Variants in SCFD2 observed in about 807,000 individuals in gnomAD.
The protein encoded by SCFD2 is sec1 family domain-containing protein 2.
SCFD2 carries 54 observed loss-of-function variants against 58.9 expected under a neutral mutation model. The ratio of observed to expected loss-of-function variants is 0.92; its 90% CI spans 0.74 to 1.15. The LOEUF is 1.15. SCFD2 is among the 50% of genes most tolerant of loss of function. The probability of loss-of-function intolerance (pLI) is 0.00; values close to 1 mark genes in which losing one functional copy is unlikely to be tolerated. For missense variants in SCFD2, 805 were observed against 836.6 expected, an observed-to-expected ratio of 0.96 and a Z score of 0.47; for synonymous variants, 321 against 335.9, an observed-to-expected ratio of 0.96 and a Z score of 0.49.
At chr4:53,350,146 C>T (rs183861348) in intron 2 of SCFD2, among the ~76,000 whole-genome samples, 1 of 152,318 alleles carries the variant, frequency 6.6e-6, no homozygotes, top group East Asian at 1.9e-4. Context: ...ACTATTTTTG[C>T]ATGTCCAGCA....
chr4:53,301,715 A>T (rs1732307380), intron 3 of SCFD2, among the ~76,000 whole-genome samples: 1 of 152,232 alleles, frequency 6.6e-6, no homozygotes, highest in Non-Finnish European at 1.5e-5. Context: ...AAATACTGGT[A>T]AACTGAATCC....
At position 53,111,848 on chromosome 4, in the gene SCFD2, T is replaced by G. The variant is rs555390381; in HGVS notation, c.1561+33485A>C. ...TAAAACATCATTCATTCTTCTATTA[T>G]TGAGTGTATTAGGGAGTAACTGCAT... is the stretch of plus-strand genomic sequence containing the variant. On this transcript the variant is annotated intron_variant, in intron 5 of 8. Coordinates refer to ENST00000401642, the MANE Select transcript of SCFD2 (RefSeq NM_152540.4). Among the ~76,000 whole-genome samples, 703 of 152,256 alleles carry G rather than the reference T, an allele frequency of 4.6e-3. 2 individuals carry two copies. The highest frequency in any genetic ancestry group is 0.016 in the African/African-American group (675 of 41,578).
At chr4:53,294,833 A>G (rs1731967927) in intron 3 of SCFD2, among the ~76,000 whole-genome samples, 1 of 152,132 alleles carries the variant, frequency 6.6e-6, no homozygotes, top group Admixed American at 6.5e-5. Context: ...TAAGGAAGGA[A>G]TCCAGTTTCA....
At chr4:53,200,660 T>C (rs7696930) in intron 4 of SCFD2, among the ~76,000 whole-genome samples, 8,588 of 152,152 alleles carry the variant, frequency 0.056, 305 homozygotes, top group Middle Eastern at 0.12. Flanking sequence ...CTCTATGAGG[T>C]AGACTATCTG....
chr4:52,918,442 C>A (rs1357007553), intron 6 of SCFD2, among the ~76,000 whole-genome samples: 1 of 152,114 alleles, frequency 6.6e-6, no homozygotes, highest in Non-Finnish European at 1.5e-5. Context: ...CCATAAAAAT[C>A]CCTGTTGTCA....
intron 5 of SCFD2, among the ~76,000 whole-genome samples, chr4:53,128,753 A>G (rs1397659517): frequency 6.6e-6 from 1 of 152,238 alleles, no homozygotes; most frequent in African/African-American, 2.4e-5. Flanking sequence ...TATCCATGGA[A>G]GAGATGACCA....
chr4:53,095,567 T>C (rs73141489), intron 5 of SCFD2, among the ~76,000 whole-genome samples: 8,032 of 152,172 alleles, frequency 0.053, 709 homozygotes, highest in African/African-American at 0.18. Context: ...CTTGACATGA[T>C]AGACACTGTG....
intron 4 of SCFD2, among the ~76,000 whole-genome samples, chr4:53,223,574 C>T (rs1048639730): frequency 3.3e-5 from 5 of 152,200 alleles, no homozygotes; most frequent in African/African-American, 9.7e-5. Context: ...ATGTCTTTCC[C>T]GTCCTTCCCT....
chr4:53,000,780 A>G (rs1721846501), intron 5 of SCFD2, among the ~76,000 whole-genome samples: 1 of 152,198 alleles, frequency 6.6e-6, no homozygotes, highest in South Asian at 2.1e-4. Flanking sequence ...TGTTACACTA[A>G]CATAGCAACA....
intron 5 of SCFD2, among the ~76,000 whole-genome samples, chr4:53,091,457 T>G (rs1724466856): frequency 6.6e-6 from 1 of 152,008 alleles, no homozygotes; most frequent in African/African-American, 2.4e-5. Context: ...ATTAAAAAAC[T>G]AAGAAAATCA....
chr4:52,982,437 A>ATAAG (rs758130283), intron 5 of SCFD2, among the ~76,000 whole-genome samples: 2 of 152,222 alleles, frequency 1.3e-5, no homozygotes, highest in Non-Finnish European at 2.9e-5. Context: ...ACTCTTCTAC[A>ATAAG]TAAGTAGTCA....
chr4:52,927,474 T>G (rs1408329284), intron 5 of SCFD2, among the ~76,000 whole-genome samples: 1 of 152,246 alleles, frequency 6.6e-6, no homozygotes, highest in Non-Finnish European at 1.5e-5. Flanking sequence ...TTTAAATTGT[T>G]TTCTTCAATC....
At chr4:52,923,406 A>AGATGGAG (rs1436121431) in intron 5 of SCFD2, among the ~76,000 whole-genome samples, 4 of 152,024 alleles carry the variant, frequency 2.6e-5, no homozygotes, top group Non-Finnish European at 5.9e-5. Flanking sequence ...TGAGCCCGGG[A>AGATGGAG]GTTGGAGGTT....
intron 5 of SCFD2, among the ~76,000 whole-genome samples, chr4:52,943,221 T>TAAACAAAACA (rs142354116): frequency 6.2e-4 from 94 of 150,798 alleles, no homozygotes; most frequent in African/African-American, 9.1e-4. Flanking sequence ...ACTCATGCCT[T>TAAACAAAACA]AAACAAAACA....
intron 7 of SCFD2, among the ~76,000 whole-genome samples, chr4:52,905,206 C>T (rs1160468033): frequency 2.6e-5 from 4 of 152,190 alleles, no homozygotes; most frequent in African/African-American, 9.6e-5. Context: ...CTCTTGATGG[C>T]CTCACCTCTA....
chr4:53,127,508 A>C (rs1169549240), intron 5 of SCFD2, among the ~76,000 whole-genome samples: 1 of 152,190 alleles, frequency 6.6e-6, no homozygotes, highest in Non-Finnish European at 1.5e-5. Flanking sequence ...GACACTAATC[A>C]AAGTAACACA....
intron 2 of SCFD2, among the ~76,000 whole-genome samples, chr4:53,346,550 A>G (rs1401665626): frequency 6.6e-6 from 1 of 152,188 alleles, no homozygotes; most frequent in Non-Finnish European, 1.5e-5. Context: ...CTGGGATTAC[A>G]GGCATGAGCC....
intron 3 of SCFD2, among the ~76,000 whole-genome samples, chr4:53,301,682 C>A (rs1331577634): frequency 1.3e-5 from 2 of 152,290 alleles, no homozygotes; most frequent in Non-Finnish European, 1.5e-5. Flanking sequence ...CATTGATGAA[C>A]ATCGATGCAA....
At chr4:52,887,304 A>G (rs892626016) in intron 7 of SCFD2, among the ~76,000 whole-genome samples, 1 of 152,208 alleles carries the variant, frequency 6.6e-6, no homozygotes, top group Non-Finnish European at 1.5e-5. Flanking sequence ...TGGAACCTAC[A>G]CTAGATGCTG....
Sources: gnomAD v4.1 joint callset for allele counts (sites outside exome capture counted in the v4.1 genomes callset) on GRCh38, gnomAD v4.1.1 for gene constraint, MANE v1.5 for transcripts, NCBI Gene and HGNC (gene_info 2026-07-23, HGNC 2026-07-21) for gene names.